SGCZ: variants seen among roughly 807,000 people sequenced by gnomAD.
SGCZ encodes the protein sarcoglycan zeta, also known as zeta-sarcoglycan.
A neutral mutation model predicts 41.3 loss-of-function variants in SGCZ; 40 were observed. That is an observed-to-expected ratio of 0.97 (90% CI 0.75 to 1.26). The LOEUF (loss-of-function observed/expected upper bound fraction) is 1.26. SGCZ is among the 50% of genes most tolerant of loss of function. The pLI, the probability that SGCZ is intolerant of heterozygous loss-of-function variation, is 0.00. For synonymous variants in SGCZ, 206 were observed against 137.5 expected (o/e 1.50, Z -3.49); for missense variants, 552 against 369.8 (o/e 1.49, Z -4.04).
At chr8:14,376,075 A>G (rs1804110501) in intron 2 of SGCZ, among the ~76,000 whole-genome samples, 1 of 152,188 alleles carries the variant, frequency 6.6e-6, no homozygotes, top group South Asian at 2.1e-4. Context: ...GCACTTTGGG[A>G]GGCCGAGGCG....
intron 5 of SGCZ, among the ~76,000 whole-genome samples, chr8:14,120,540 A>G (rs1802666362): frequency 1.3e-5 from 2 of 152,100 alleles, no homozygotes; most frequent in South Asian, 4.1e-4. Flanking sequence ...TATACTATAT[A>G]TAGTTCTTGT....
chr8:14,369,809 A>C (rs1405990109), intron 2 of SGCZ, among the ~76,000 whole-genome samples: 2 of 152,028 alleles, frequency 1.3e-5, no homozygotes, highest in African/African-American at 4.8e-5. Context: ...TTAATTAAAT[A>C]TTAAGTAATT....
At chr8:15,162,145 G>C (rs73529366) in intron 1 of SGCZ, among the ~76,000 whole-genome samples, 5,990 of 152,222 alleles carry the variant, frequency 0.039, 288 homozygotes, top group African/African-American at 0.11. Flanking sequence ...ATGATATTTT[G>C]TGTGCCTCAT....
At chr8:14,875,942 T>C (rs1804342176) in intron 1 of SGCZ, among the ~76,000 whole-genome samples, 2 of 152,108 alleles carry the variant, frequency 1.3e-5, no homozygotes, top group African/African-American at 4.8e-5. Context: ...AGTAATAAAC[T>C]CTCTCATTCT....
Position 14,536,171 on chromosome 8 carries a change from G to T in SGCZ, c.234+18561C>A, listed in dbSNP as rs548772513. Among the ~76,000 whole-genome samples the T allele has an allele frequency of 2.0e-5, 3 of 151,750 alleles. No homozygotes were observed. In the South Asian group the frequency reaches 6.2e-4, roughly 31 times the overall value. On this transcript the variant is annotated intron_variant, in intron 2 of 7. Transcript: ENST00000382080. ...GTATTTTGAAGTATATCACATTTTT[G>T]TCTTTGCAATTATACTCTAATGAAA... is the stretch of plus-strand genomic sequence containing the variant.
intron 1 of SGCZ, among the ~76,000 whole-genome samples, chr8:14,997,758 G>C (rs1412867354): frequency 1.3e-5 from 2 of 152,134 alleles, no homozygotes; most frequent in African/African-American, 4.8e-5. Context: ...TCAGGAGTGA[G>C]AGACCAGCCT....
intron 4 of SGCZ, among the ~76,000 whole-genome samples, chr8:14,206,090 C>CA (rs530938883): frequency 5.9e-5 from 9 of 151,828 alleles, no homozygotes; most frequent in South Asian, 4.2e-4. Context: ...TTTAACAAAG[C>CA]AAAAAAATAT....
intron 1 of SGCZ, among the ~76,000 whole-genome samples, chr8:14,614,610 A>G (rs968941502): frequency 6.6e-6 from 1 of 152,134 alleles, no homozygotes; most frequent in African/African-American, 2.4e-5. Context: ...TTGTCTCACC[A>G]CCTTTGATTC....
At chr8:14,237,524 C>CA in intron 4 of SGCZ, 68 bp downstream of exon 4, 1 of 1,442,468 alleles carries the variant, frequency 6.9e-7, no homozygotes, top group Non-Finnish European at 9.6e-7. Context: ...CAACAAGAAC[C>CA]AAAAACCAAA....
chr8:15,012,562 C>CATATATATTATAAATTATAAAT (rs1438663730), intron 1 of SGCZ, among the ~76,000 whole-genome samples: 1 of 96,884 alleles, frequency 1.0e-5, no homozygotes, highest in East Asian at 2.8e-4. Context: ...TTATATATAA[C>CATATATATTATAAATTATAAAT]ATATAAATAT....
At chr8:14,312,264 C>A (rs1005805582) in intron 3 of SGCZ, among the ~76,000 whole-genome samples, 14 of 152,132 alleles carry the variant, frequency 9.2e-5, no homozygotes, top group African/African-American at 3.1e-4. Flanking sequence ...TTGAAAAACA[C>A]TAAACTAGTT....
At chr8:15,227,571 T>G (rs1801819270) in intron 1 of SGCZ, among the ~76,000 whole-genome samples, 2 of 152,224 alleles carry the variant, frequency 1.3e-5, no homozygotes, top group Non-Finnish European at 2.9e-5. Context: ...TATTTTTGAT[T>G]TATTTGGAGT....
intron 1 of SGCZ, among the ~76,000 whole-genome samples, chr8:14,794,100 G>A (rs1174566894): frequency 5.9e-5 from 9 of 152,054 alleles, no homozygotes; most frequent in African/African-American, 2.2e-4. Flanking sequence ...TCATCTTCAA[G>A]GAAGTTCAAA....
chr8:14,768,607 C>T lies in SGCZ; in HGVS notation c.40-213681G>A, dbSNP rs558611202. 6.6e-5 allele frequency among the ~76,000 whole-genome samples: 10 copies of T among 152,268 alleles called. No individual in the cohort carries two copies. The South Asian group carries it at 2.1e-3, about 32-fold the overall frequency. On this transcript the variant is annotated intron_variant, in intron 1 of 7. Transcript: ENST00000382080. ...TGTCCATGGCCTCATGGGCCTGCAT[C>T]CCTTCCCCATCAGGATCCAGAACTA...
At chr8:14,284,320 G>C (rs908538627) in intron 3 of SGCZ, among the ~76,000 whole-genome samples, 5 of 152,210 alleles carry the variant, frequency 3.3e-5, no homozygotes, top group African/African-American at 1.2e-4. Context: ...TTGAGTCCAG[G>C]AGGTTGAGGC....
At chr8:14,237,744 T>C (rs570202790) in intron 3 of SGCZ, 65 bp from the exon 4 acceptor site, 3 of 1,252,714 alleles carry the variant, frequency 2.4e-6, no homozygotes, top group South Asian at 2.5e-5. Flanking sequence ...CAAAAAAATA[T>C]ACTGCATTTG....
intron 1 of SGCZ, among the ~76,000 whole-genome samples, chr8:14,582,360 C>T (rs1044788498): frequency 2.0e-5 from 3 of 152,012 alleles, no homozygotes; most frequent in Non-Finnish European, 4.4e-5. Flanking sequence ...GAAGGGTCTA[C>T]TGCACATTAT....
intron 1 of SGCZ, among the ~76,000 whole-genome samples, chr8:15,021,321 C>T (rs190036357): frequency 8.7e-4 from 133 of 152,222 alleles, no homozygotes; most frequent in Non-Finnish European, 1.5e-3. Context: ...CTCTCTACAA[C>T]TGGAAAAAAA....
At chr8:14,945,066 G>A (rs1007321390) in intron 1 of SGCZ, among the ~76,000 whole-genome samples, 6 of 147,010 alleles carry the variant, frequency 4.1e-5, no homozygotes, top group African/African-American at 1.3e-4. Flanking sequence ...CTACAGAGAA[G>A]CACCTTATTC....
Sources: allele counts gnomAD v4.1 joint callset (sites outside exome capture counted in the v4.1 genomes callset), GRCh38; gene constraint gnomAD v4.1.1; transcripts MANE v1.5; gene names NCBI Gene and HGNC (gene_info 2026-07-23, HGNC 2026-07-21).